ADGRF5: variants seen among roughly 807,000 people sequenced by gnomAD.
ADGRF5 encodes the protein G-protein coupled receptor 116.
Under a neutral mutation model 132.3 loss-of-function variants are expected in ADGRF5, and 75 were observed. The observed-to-expected ratio is 0.57, with a 90% CI of 0.47 to 0.69. ADGRF5 has a LOEUF of 0.69. Among genes scored for constraint, ADGRF5 ranks in the 30% least tolerant of loss-of-function variants. ADGRF5 has a pLI of 0.00. For missense variants in ADGRF5, 1,516 were observed against 1,630.6 expected (o/e 0.93, Z 1.21); for synonymous variants, 629 against 597.6 (o/e 1.05, Z -0.77).
At chr6:46,918,301 C>A (rs942653173) in intron 1 of ADGRF5, among the ~76,000 whole-genome samples, 2 of 152,152 alleles carry the variant, frequency 1.3e-5, no homozygotes, top group Non-Finnish European at 2.9e-5. Flanking sequence ...ACTGAACAGG[C>A]CCGGTAGTCC....
chr6:46,882,932 T>G lies in ADGRF5; in HGVS notation c.612+627A>C, dbSNP rs1772641671. On this transcript the variant is annotated intron_variant, in intron 6 of 20. Coordinates refer to ENST00000283296, the MANE Select transcript of ADGRF5 (RefSeq NM_001098518.2). ...GGCTCGGCTGCCAGGAGAAGGGAAG[T>G]CATTATCTCAGCCCACCTGTAATAA... Among the ~76,000 whole-genome samples, 2 of 152,154 alleles carry G rather than the reference T, an allele frequency of 1.3e-5. 1 individual carries two copies. Among genetic ancestry groups the G allele is most frequent in the East Asian group, 3.9e-4 (2 of 5,164 alleles).
intron 1 of ADGRF5, among the ~76,000 whole-genome samples, chr6:46,912,161 T>C (rs1187154714): frequency 6.6e-6 from 1 of 152,174 alleles, no homozygotes; most frequent in East Asian, 1.9e-4. Context: ...AGCCAGGATT[T>C]GAACCTAGAA....
intron 9 of ADGRF5, 61 bp from the exon 10 acceptor site, chr6:46,878,466 G>T: frequency 1.0e-6 from 1 of 994,170 alleles, no homozygotes; most frequent in Non-Finnish European, 1.6e-6. Context: ...TTAGAGGAAT[G>T]TACCGTCAGC....
At chr6:46,882,894 C>T (rs886396362) in intron 6 of ADGRF5, among the ~76,000 whole-genome samples, 1 of 152,178 alleles carries the variant, frequency 6.6e-6, no homozygotes, top group African/African-American at 2.4e-5. Flanking sequence ...GCTCAGCTGA[C>T]AGCCTAAGAC....
intron 16 of ADGRF5, among the ~76,000 whole-genome samples, chr6:46,859,944 C>T (rs1769543816): frequency 6.6e-6 from 1 of 151,990 alleles, no homozygotes; most frequent in Non-Finnish European, 1.5e-5. Context: ...TCCGCCTCGG[C>T]CTCCCAAAAT....
intron 1 of ADGRF5, among the ~76,000 whole-genome samples, chr6:46,913,014 C>T (rs977723547): frequency 9.2e-5 from 14 of 152,196 alleles, no homozygotes; most frequent in African/African-American, 3.4e-4. Flanking sequence ...ATCCTTGCAA[C>T]ATATTTTCAT....
chr6:46,953,687 A>ATATATCTATC (rs1184260500), intron 1 of ADGRF5, among the ~76,000 whole-genome samples: 1 of 130,274 alleles, frequency 7.7e-6, no homozygotes, highest in Non-Finnish European at 1.6e-5. Flanking sequence ...ATATATATAT[A>ATATATCTATC]TATCTCACTG....
At chr6:46,890,593 TG>T (rs1270674135) in intron 3 of ADGRF5, among the ~76,000 whole-genome samples, 1 of 151,920 alleles carries the variant, frequency 6.6e-6, no homozygotes, top group Non-Finnish European at 1.5e-5. Context: ...GGCGTGTGCC[TG>T]TAATCCCAGC....
Position 46,882,055 on chromosome 6 carries a change from C to A in ADGRF5, c.665G>T (p.Gly222Val). ...CAAATTAAAGTATTCTTACTTGAAC[C>A]CTGTCACAGTCACGCCCTTGAAGCC... ...LPGFKGVTVT[G>V]FKSGSVVVTY... The change falls in exon 7 of 21, where the codon GGG becomes GTG. Residue 222 changes from glycine to valine, a missense_variant. Gly to Val is a moderately radical substitution (Grantham distance 109). Coordinates refer to ENST00000283296, the MANE Select transcript of ADGRF5 (RefSeq NM_001098518.2). The A allele has an allele frequency of 6.2e-7, 1 of 1,606,190 alleles. No individual in the cohort carries two copies. Among genetic ancestry groups the A allele is most frequent in the Non-Finnish European group, 8.5e-7 (1 of 1,172,904 alleles).
chr6:46,883,805 G>A (rs1352050208), intron 5 of ADGRF5, 140 bp from the exon 6 acceptor site: 4 of 607,462 alleles, frequency 6.6e-6, no homozygotes, highest in East Asian at 5.7e-5. Context: ...GCAACGGCAC[G>A]ATCTCAGCTC....
intron 1 of ADGRF5, among the ~76,000 whole-genome samples, chr6:46,932,676 G>T (rs1446077351): frequency 6.6e-6 from 1 of 152,132 alleles, no homozygotes; most frequent in Admixed American, 6.5e-5. Flanking sequence ...GGGTGACATC[G>T]CTAGATCAGT....
At chr6:46,941,443 AAAGAAAAGAAAAG>A (rs1423808703) in intron 1 of ADGRF5, among the ~76,000 whole-genome samples, 33 of 46,502 alleles carry the variant, frequency 7.1e-4, no homozygotes, top group African/African-American at 1.9e-3. Context: ...AAAGAAAAGA[AAAGAAAAGAAAAG>A]AAAAGAAAAG....
intron 1 of ADGRF5, among the ~76,000 whole-genome samples, chr6:46,953,676 T>TAG (rs1778608125): frequency 7.2e-6 from 1 of 138,922 alleles, no homozygotes; most frequent in African/African-American, 2.7e-5. Context: ...TATATATATA[T>TAG]ATATATATAT....
intron 2 of ADGRF5, among the ~76,000 whole-genome samples, chr6:46,906,261 A>G (rs184675856): frequency 1.6e-4 from 25 of 152,344 alleles, no homozygotes; most frequent in African/African-American, 6.0e-4. Context: ...TGTCCCAGTT[A>G]AAACAAATCC....
chr6:46,889,206 A>T (rs1490180103), intron 3 of ADGRF5, among the ~76,000 whole-genome samples: 1 of 145,564 alleles, frequency 6.9e-6, no homozygotes, highest in African/African-American at 2.6e-5. Context: ...TATATATATA[A>T]AATATATAGA....
upstream of ADGRF5, among the ~76,000 whole-genome samples, chr6:46,925,025 T>C (rs1777179340): frequency 6.6e-6 from 1 of 152,212 alleles, no homozygotes; most frequent in South Asian, 2.1e-4. Flanking sequence ...GCAGTTAAAA[T>C]GGTCCTTATA....
At chr6:46,910,816 G>A (rs535015154) in intron 1 of ADGRF5, among the ~76,000 whole-genome samples, 17 of 152,230 alleles carry the variant, frequency 1.1e-4, no homozygotes, top group South Asian at 4.2e-4. Flanking sequence ...GTGATGTGGG[G>A]CAAGTCACTT....
chr6:46,896,911 A>C (rs1201056658), intron 3 of ADGRF5, among the ~76,000 whole-genome samples: 1 of 152,164 alleles, frequency 6.6e-6, no homozygotes, highest in Non-Finnish European at 1.5e-5. Context: ...ACATTGTACT[A>C]GGTATTATAA....
chr6:46,860,982 A>C (rs1769677289), intron 15 of ADGRF5, 88 bp from the exon 16 acceptor site: 12 of 990,918 alleles, frequency 1.2e-5, no homozygotes, highest in Middle Eastern at 2.9e-4. Context: ...AAAATCTCTC[A>C]CATCCGTTGT....
Sources: gnomAD v4.1 joint callset for allele counts (sites outside exome capture counted in the v4.1 genomes callset) on GRCh38, gnomAD v4.1.1 for gene constraint, MANE v1.5 for transcripts, NCBI Gene and HGNC (gene_info 2026-07-23, HGNC 2026-07-21) for gene names.